The following RBKS variants were observed in gnomAD, a reference collection of about 807,000 sequenced individuals.
RBKS encodes ribokinase.
RBKS carries 33 observed loss-of-function variants against 33.9 expected under a neutral mutation model. The ratio of observed to expected loss-of-function variants is 0.97; its 90% CI spans 0.74 to 1.30. The LOEUF (loss-of-function observed/expected upper bound fraction) is 1.30. RBKS is among the 50% of genes most tolerant of loss of function. The probability of loss-of-function intolerance (pLI) is 0.00; values close to 1 mark genes in which losing one functional copy is unlikely to be tolerated. For synonymous variants in RBKS, 125 were observed against 143.0 expected, an observed-to-expected ratio of 0.87 and a Z score of 0.90; for missense variants, 361 against 392.6, an observed-to-expected ratio of 0.92 and a Z score of 0.68.
At chr2:27,806,783 T>C (rs1444884659) in intron 7 of RBKS, among the ~76,000 whole-genome samples, 2 of 152,348 alleles carry the variant, frequency 1.3e-5, no homozygotes, top group East Asian at 1.9e-4. Context: ...AACTTGAGCA[T>C]GCACTGGAAT....
At chr2:27,851,337 C>T (rs1663741619) in intron 2 of RBKS, among the ~76,000 whole-genome samples, 1 of 152,170 alleles carries the variant, frequency 6.6e-6, no homozygotes, top group Non-Finnish European at 1.5e-5. Flanking sequence ...TTAATCCTCT[C>T]ATCTCCACAC....
chr2:27,794,441 T>C (rs1301384835), intron 7 of RBKS, among the ~76,000 whole-genome samples: 2 of 151,506 alleles, frequency 1.3e-5, no homozygotes, highest in Admixed American at 1.3e-4. Context: ...CCCTGAATGA[T>C]TTCTCTCTTT....
At chr2:27,819,036 A>T (rs1035926633) in intron 7 of RBKS, among the ~76,000 whole-genome samples, 2 of 152,220 alleles carry the variant, frequency 1.3e-5, no homozygotes, top group Non-Finnish European at 2.9e-5. Context: ...ATTTTCTAGC[A>T]TTCACTTCAG....
intron 2 of RBKS, among the ~76,000 whole-genome samples, chr2:27,848,865 C>T (rs1019296849): frequency 2.2e-4 from 34 of 151,544 alleles, no homozygotes; most frequent in African/African-American, 7.7e-4. Context: ...AAGTGTGTTC[C>T]ACCATCCTAG....
chr2:27,813,675 A>C (rs768908529), intron 7 of RBKS, among the ~76,000 whole-genome samples: 6 of 152,062 alleles, frequency 3.9e-5, no homozygotes, highest in East Asian at 1.9e-4. Context: ...ATCTATATAT[A>C]TATATGTATG....
intron 2 of RBKS, among the ~76,000 whole-genome samples, chr2:27,854,064 G>A (rs1321469281): frequency 6.6e-6 from 1 of 152,168 alleles, no homozygotes; most frequent in Non-Finnish European, 1.5e-5. Flanking sequence ...CTAATGCACT[G>A]CTTTTCAAGC....
chr2:27,877,350 TC>T (rs1664333369), intron 1 of RBKS, among the ~76,000 whole-genome samples: 1 of 152,144 alleles, frequency 6.6e-6, no homozygotes, highest in Non-Finnish European at 1.5e-5. Flanking sequence ...ATTTTAACAT[TC>T]TTTTTTATGT....
At position 27,870,495 on chromosome 2, in the gene RBKS, C is replaced by T. The variant is rs570907059; in HGVS notation, c.90-11924G>A. 35 of 206,448 alleles carry T rather than the reference C, an allele frequency of 1.7e-4. No homozygotes were observed. The South Asian group carries it at 2.5e-3, about 15-fold the overall frequency. 12.8% of individuals were successfully genotyped at this position (206,448 alleles called of 1,614,324 possible). On this transcript the variant is annotated intron_variant, in intron 1 of 7. Coordinates refer to ENST00000302188, the MANE Select transcript of RBKS (RefSeq NM_022128.3). Reference sequence around the variant, plus strand: ...GATCTACCTTTAGAAAGCCATCTCACTTGTGTGTGTGAGAGAAGACATGTG... The same window carrying T: ...GATCTACCTTTAGAAAGCCATCTCATTTGTGTGTGTGAGAGAAGACATGTG...
chr2:27,801,958 A>C (rs1465188865), intron 7 of RBKS, among the ~76,000 whole-genome samples: 3 of 67,322 alleles, frequency 4.5e-5, no homozygotes, highest in Non-Finnish European at 9.3e-5. Context: ...GGGAAAAAAA[A>C]AAAAAATATA....
At position 27,835,190 on chromosome 2, in the gene RBKS, C is replaced by T. The variant is rs183232334; in HGVS notation, c.515-2413G>A. Among the ~76,000 whole-genome samples the T allele has an allele frequency of 2.1e-3, 319 of 151,230 alleles. 1 individual carries two copies. Among genetic ancestry groups the T allele is most frequent in the African/African-American group, 6.9e-3 (284 of 41,172 alleles). On this transcript the variant is annotated intron_variant, in intron 5 of 7. Coordinates refer to ENST00000302188, the MANE Select transcript of RBKS (RefSeq NM_022128.3). ...ACTCCAGAGGCTGGGGCAGGAGAATCGCTTGAACCCGGGAGGTGGAGGCTA... is the reference window on the plus strand; with the variant it reads ...ACTCCAGAGGCTGGGGCAGGAGAATTGCTTGAACCCGGGAGGTGGAGGCTA...
rs1677585993 is a variant in RBKS, at chr2:27,793,911, A to C, written c.796-12123T>G. Among the ~76,000 whole-genome samples the C allele has an allele frequency of 1.3e-5, 2 of 152,220 alleles. 1 individual carries two copies. Among genetic ancestry groups the C allele is most frequent in the Admixed American group, 1.3e-4 (2 of 15,278 alleles). On this transcript the variant is annotated intron_variant, in intron 7 of 7. Coordinates refer to ENST00000302188, the MANE Select transcript of RBKS (RefSeq NM_022128.3). ...GAGAAAGCAATAAAACAAATGTGGC[A>C]AAATGCTAATATTGGGGAAACTAGG... is the stretch of plus-strand genomic sequence containing the variant.
chr2:27,802,330 A>G (rs1009435365), intron 7 of RBKS, among the ~76,000 whole-genome samples: 1 of 151,938 alleles, frequency 6.6e-6, no homozygotes, highest in Non-Finnish European at 1.5e-5. Context: ...CAAGTATAGC[A>G]GTAGGTTAGC....
chr2:27,796,075 T>C (rs183620101), intron 7 of RBKS, among the ~76,000 whole-genome samples: 34 of 152,310 alleles, frequency 2.2e-4, no homozygotes, highest in Non-Finnish European at 1.0e-4. Flanking sequence ...TCTTTTGTGT[T>C]AGTGAAAATG....
intron 1 of RBKS, chr2:27,889,824 T>C (rs72810570): frequency 0.029 from 4,670 of 159,534 alleles, 114 homozygotes; most frequent in South Asian, 0.1. Context: ...ATTTGGATAA[T>C]GTTACGCTTG....
intron 3 of RBKS, among the ~76,000 whole-genome samples, chr2:27,847,765 G>A (rs942979760): frequency 5.9e-5 from 9 of 152,340 alleles, no homozygotes; most frequent in Admixed American, 5.9e-4. Context: ...AACATCTTTT[G>A]TGAATGCAGC....
chr2:27,816,579 GT>G (rs1201989421), intron 7 of RBKS, among the ~76,000 whole-genome samples: 1 of 152,082 alleles, frequency 6.6e-6, no homozygotes, highest in Non-Finnish European at 1.5e-5. Context: ...TTGTATGACT[GT>G]AGGTAAAACA....
intron 1 of RBKS, among the ~76,000 whole-genome samples, chr2:27,873,418 G>C (rs1462079836): frequency 6.6e-6 from 1 of 152,122 alleles, no homozygotes; most frequent in Non-Finnish European, 1.5e-5. Context: ...TGGCTTAAAA[G>C]AAACATTTTA....
intron 1 of RBKS, among the ~76,000 whole-genome samples, chr2:27,873,371 G>A (rs1269387176): frequency 6.6e-6 from 1 of 152,138 alleles, no homozygotes; most frequent in African/African-American, 2.4e-5. Context: ...TGTTCACTGA[G>A]TAACTACTTT....
intron 2 of RBKS, among the ~76,000 whole-genome samples, chr2:27,856,989 G>C (rs1260328172): frequency 6.6e-6 from 1 of 152,074 alleles, no homozygotes; most frequent in Non-Finnish European, 1.5e-5. Flanking sequence ...AGCAAAAGAG[G>C]GTTTCTTGCT....
Sources: allele counts gnomAD v4.1 joint callset (sites outside exome capture counted in the v4.1 genomes callset), GRCh38; gene constraint gnomAD v4.1.1; transcripts MANE v1.5; gene names NCBI Gene and HGNC (gene_info 2026-07-23, HGNC 2026-07-21).